Variants in DACH2 observed in about 807,000 individuals in gnomAD.
The protein encoded by DACH2 is dachshund family transcription factor 2, also known as dachshund homolog 2.
A neutral mutation model predicts 35.8 loss-of-function variants in DACH2; 17 were observed. The observed-to-expected ratio is 0.48, with a 90% CI of 0.33 to 0.71. The LOEUF is 0.71. Among genes scored for constraint, DACH2 ranks in the 30% least tolerant of loss-of-function variants. The probability of loss-of-function intolerance (pLI) is 0.02; values close to 1 mark genes in which losing one functional copy is unlikely to be tolerated. For synonymous variants in DACH2, 195 were observed against 177.3 expected, an observed-to-expected ratio of 1.10 and a Z score of -0.79; for missense variants, 469 against 472.7, an observed-to-expected ratio of 0.99 and a Z score of 0.07.
intron 7 of DACH2, among the ~76,000 whole-genome samples, chrX:86,747,008 A>G (rs984355478): frequency 8.9e-6 from 1 of 112,022 alleles, no homozygotes; most frequent in Non-Finnish European, 1.9e-5. Context: ...TCTCTGTAAA[A>G]TTAAGCACTG....
intron 3 of DACH2, among the ~76,000 whole-genome samples, chrX:86,642,344 A>C (rs1434087586): frequency 9.0e-6 from 1 of 111,525 alleles, no homozygotes; most frequent in African/African-American, 3.3e-5. Context: ...CAATAAAGAT[A>C]AAAAAAAGAC....
At position 86,203,513 on chromosome X, in the gene DACH2, T is replaced by A. The variant is rs192046944; in HGVS notation, c.488+54405T>A. Among the ~76,000 whole-genome samples, 3 of 111,931 alleles carry A rather than the reference T, an allele frequency of 2.7e-5. No homozygotes were observed. In the East Asian group the frequency reaches 8.4e-4, roughly 31 times the overall value. On this transcript the variant is annotated intron_variant, in intron 1 of 11. Coordinates refer to ENST00000373125, the MANE Select transcript of DACH2 (RefSeq NM_053281.3). ...GACATATAAAATTGTATTTATCATG[T>A]ACAACACAATGTTTTGAAGTATGTA... is the stretch of plus-strand genomic sequence containing the variant.
At chrX:86,324,142 T>G (rs2148040015) in intron 1 of DACH2, among the ~76,000 whole-genome samples, 1 of 112,043 alleles carries the variant, frequency 8.9e-6, no homozygotes, top group Admixed American at 9.5e-5. Context: ...CTTCTTTTTG[T>G]TAGATGGAAA....
At chrX:86,644,831 A>G (rs1331826115) in intron 3 of DACH2, among the ~76,000 whole-genome samples, 1 of 111,532 alleles carries the variant, frequency 9.0e-6, no homozygotes, top group Non-Finnish European at 1.9e-5. Context: ...TCCCTATTTC[A>G]TAAATGGTGC....
intron 1 of DACH2, among the ~76,000 whole-genome samples, chrX:86,196,744 A>G (rs921781656): frequency 9.3e-6 from 1 of 107,960 alleles, no homozygotes; most frequent in Non-Finnish European, 1.9e-5. Flanking sequence ...AAAATCTCCT[A>G]GAAATATGGA....
At chrX:86,396,792 C>A (rs1185471602) in intron 2 of DACH2, among the ~76,000 whole-genome samples, 11 of 110,943 alleles carry the variant, frequency 9.9e-5, no homozygotes, top group African/African-American at 3.6e-4. Flanking sequence ...GTTACTGTAG[C>A]CTTGTAGTAT....
At chrX:86,465,482 G>A (rs2037649928) in intron 2 of DACH2, among the ~76,000 whole-genome samples, 1 of 111,508 alleles carries the variant, frequency 9.0e-6, no homozygotes, top group African/African-American at 3.3e-5. Context: ...TTTGGAGTAA[G>A]GGGCACCACA....
At chrX:86,624,060 C>CAAAAAAAAAAAAAAAA (rs34140706) in intron 3 of DACH2, among the ~76,000 whole-genome samples, 12 of 35,888 alleles carry the variant, frequency 3.3e-4, no homozygotes, top group African/African-American at 8.1e-4. Context: ...AAAAACAAAA[C>CAAAAAAAAAAAAAAAA]AAAAAAAAAA....
At chrX:86,711,971 A>C (rs749657146) in intron 5 of DACH2, among the ~76,000 whole-genome samples, 51 of 112,010 alleles carry the variant, frequency 4.6e-4, no homozygotes, top group Non-Finnish European at 8.8e-4. Context: ...TCTTTGGAGA[A>C]TGAGGAAAGA....
chrX:86,431,459 G>T (rs1391747242), intron 2 of DACH2, among the ~76,000 whole-genome samples: 2 of 111,701 alleles, frequency 1.8e-5, no homozygotes, highest in Non-Finnish European at 3.8e-5. Context: ...TTATAGAGAA[G>T]AATAATGTGA....
At chrX:86,507,122 T>G (rs139995104) in intron 2 of DACH2, among the ~76,000 whole-genome samples, 4,837 of 111,804 alleles carry the variant, frequency 0.043, 104 homozygotes, top group Non-Finnish European at 0.068. Flanking sequence ...CCAGACTGTA[T>G]CACTATCCAT....
intron 1 of DACH2, among the ~76,000 whole-genome samples, chrX:86,274,451 C>CTTTTTT (rs1160584218): frequency 9.6e-5 from 3 of 31,318 alleles, no homozygotes; most frequent in Admixed American, 5.4e-4. Flanking sequence ...ACATTAAATC[C>CTTTTTT]TTTTTTTTTT....
chrX:86,813,689 T>C (rs2042418461), intron 9 of DACH2, among the ~76,000 whole-genome samples: 1 of 108,761 alleles, frequency 9.2e-6, no homozygotes, highest in Admixed American at 1.0e-4. Flanking sequence ...ACATGAAACC[T>C]TGGAGGTCAC....
chrX:86,731,239 T>C (rs2041529786), intron 6 of DACH2, among the ~76,000 whole-genome samples: 1 of 111,796 alleles, frequency 8.9e-6, no homozygotes. Context: ...AACTGCTATT[T>C]ATAACATTTG....
intron 3 of DACH2, among the ~76,000 whole-genome samples, chrX:86,616,776 C>A (rs1310391838): frequency 8.9e-6 from 1 of 112,214 alleles, no homozygotes; most frequent in Non-Finnish European, 1.9e-5. Flanking sequence ...AATTACATTT[C>A]ATTTGTCAAG....
intron 1 of DACH2, among the ~76,000 whole-genome samples, chrX:86,319,232 T>C (rs898792647): frequency 1.8e-4 from 20 of 112,627 alleles, no homozygotes; most frequent in Non-Finnish European, 3.4e-4. Context: ...GCAAGATTAA[T>C]TTTTACAATC....
In DACH2 at chrX:86,514,294, G is replaced by T; in HGVS notation, c.543G>T (p.Arg181Ser). The change falls in exon 3 of 12, where the codon AGG becomes AGT. Residue 181 changes from arginine to serine, a missense_variant. Coordinates refer to ENST00000373125, the MANE Select transcript of DACH2 (RefSeq NM_053281.3). ...TTTTCAACAGTTCAAGACCCGGCAG[G>T]CCCCCTAAGCGTTCTTTGGGAGTGT... The part of the protein sequence containing the change: ...KQAVNSSRPG[R>S]PPKRSLGVLQ... 1 of 1,210,395 alleles carries T rather than the reference G, an allele frequency of 8.3e-7. No individual in the cohort carries two copies. The highest frequency in any genetic ancestry group is 1.1e-6 in the Non-Finnish European group (1 of 894,787).
At chrX:86,428,834 G>T (rs1395800111) in intron 2 of DACH2, among the ~76,000 whole-genome samples, 1 of 109,893 alleles carries the variant, frequency 9.1e-6, no homozygotes, top group Non-Finnish European at 1.9e-5. Flanking sequence ...TTAGTATTAT[G>T]GGAGCTCATC....
chrX:86,402,344 A>C (rs759026849), intron 2 of DACH2, among the ~76,000 whole-genome samples: 34 of 112,086 alleles, frequency 3.0e-4, no homozygotes, highest in African/African-American at 1.0e-3. Context: ...TCAGGATACA[A>C]ATTCAGTTTA....
Sources: allele counts gnomAD v4.1 joint callset (sites outside exome capture counted in the v4.1 genomes callset), GRCh38; gene constraint gnomAD v4.1.1; transcripts MANE v1.5; gene names NCBI Gene and HGNC (gene_info 2026-07-23, HGNC 2026-07-21).